CCKBR: variants seen among roughly 807,000 people sequenced by gnomAD.
CCKBR encodes gastrin/cholecystokinin type B receptor.
In CCKBR, 33 loss-of-function variants were observed where a neutral mutation model predicts 34.6. The ratio of observed to expected loss-of-function variants is 0.95; its 90% CI spans 0.72 to 1.27. CCKBR has a LOEUF of 1.27. CCKBR is among the 50% of genes most tolerant of loss of function. The pLI, the probability that CCKBR is intolerant of heterozygous loss-of-function variation, is 0.00. For missense variants in CCKBR, 652 were observed against 617.4 expected (o/e 1.06, Z -0.59); for synonymous variants, 269 against 267.5 (o/e 1.01, Z -0.06).
rs1848267163 is a variant in CCKBR, at chr11:6,269,889, C to T, written c.372C>T (p.Thr124=). The change falls in exon 2 of 5, where the codon ACC becomes ACT. Residue 124 remains threonine, a synonymous_variant. Coordinates refer to ENST00000334619, the MANE Select transcript of CCKBR (RefSeq NM_176875.4). ...PNLMGTFIFG[T]VICKAVSYLM... Reference sequence around the variant, plus strand: ...TCATGGGCACATTCATCTTTGGCACCGTCATCTGCAAGGCGGTTTCCTACC... The same window carrying T: ...TCATGGGCACATTCATCTTTGGCACTGTCATCTGCAAGGCGGTTTCCTACC... The T allele has an allele frequency of 6.2e-7, 1 of 1,613,960 alleles. No individual in the cohort carries two copies. Among genetic ancestry groups the T allele is most frequent in the Non-Finnish European group, 8.5e-7 (1 of 1,180,026 alleles).
intron 1 of CCKBR, 89 bp downstream of exon 1, chr11:6,260,168 C>G: frequency 1.0e-6 from 1 of 971,144 alleles, no homozygotes; most frequent in Non-Finnish European, 1.5e-6. Flanking sequence ...TCCACACTAC[C>G]TTCTCAAACG....
rs779211798 is a variant in CCKBR at position 6,270,734 on chromosome 11, G to A, written c.742G>A (p.Gly248Arg). Residue 248 changes from glycine to arginine, a missense_variant, in exon 4 of 5, where the codon GGG becomes AGG. Physicochemically the swap from Gly to Arg is moderately radical, Grantham distance 125 (BLOSUM62 -2). Transcript: ENST00000334619. The part of the protein sequence containing the change: ...YGLISRELYL[G>R]LRFDGDSDSD... ...GCTTATCTCTCGCGAGCTCTACTTA[G>A]GGCTTCGCTTTGACGGCGACAGTGA... The A allele has an allele frequency of 5.0e-6, 8 of 1,614,214 alleles. No homozygotes were observed. The highest frequency in any genetic ancestry group is 1.3e-5 in the African/African-American group (1 of 75,072).
At chr11:6,264,046 T>C (rs1008420660) in intron 1 of CCKBR, among the ~76,000 whole-genome samples, 10 of 152,266 alleles carry the variant, frequency 6.6e-5, no homozygotes, top group African/African-American at 2.4e-4. Context: ...TAAGCCATAT[T>C]CAATCGGATA....
At chr11:6,261,220 C>T (rs1008922131) in intron 1 of CCKBR, among the ~76,000 whole-genome samples, 9 of 151,810 alleles carry the variant, frequency 5.9e-5, no homozygotes, top group Admixed American at 5.3e-4. Context: ...CGACACAATT[C>T]CTACTTCACA....
At chr11:6,264,841 C>T (rs779140494) in intron 1 of CCKBR, among the ~76,000 whole-genome samples, 5 of 152,072 alleles carry the variant, frequency 3.3e-5, no homozygotes, top group Non-Finnish European at 7.4e-5. Context: ...TACAGAGTGC[C>T]CATACACACA....
At chr11:6,264,398 C>T in intron 1 of CCKBR, 1 of 593,204 alleles carries the variant, frequency 1.7e-6, no homozygotes, top group Non-Finnish European at 3.0e-6. Context: ...TGGAGTTTTT[C>T]CTTAGAAAGT....
rs200777432 is a variant in CCKBR at position 6,271,470 on chromosome 11, A to T, written c.1271A>T (p.Asp424Val). ...CGCCCCAGGGCTCTTCCCGATGAGG[A>T]CCCTCCCACTCCCTCCATTGCTTCG... ...RARPRALPDE[D>V]PPTPSIASLS... The change falls in exon 5 of 5, where the codon GAC becomes GTC. Residue 424 changes from aspartate to valine, a missense_variant. By Grantham distance (152) the Asp-to-Val change is radical. Transcript: ENST00000334619. The T allele has an allele frequency of 2.6e-5, 42 of 1,612,490 alleles. No homozygotes were observed. The highest frequency in any genetic ancestry group is 1.3e-5 in the Non-Finnish European group (15 of 1,179,914).
chr11:6,265,954 G>C (rs1848203314), intron 1 of CCKBR, among the ~76,000 whole-genome samples: 1 of 152,126 alleles, frequency 6.6e-6, no homozygotes, highest in South Asian at 2.1e-4. Flanking sequence ...GTGCACTTCT[G>C]TCTTGAAAGA....
At chr11:6,267,376 G>A (rs1484519892) in intron 1 of CCKBR, among the ~76,000 whole-genome samples, 1 of 150,324 alleles carries the variant, frequency 6.7e-6, no homozygotes, top group Admixed American at 6.6e-5. Context: ...AAACCTTTCT[G>A]TTAAAACCAA....
intron 1 of CCKBR, chr11:6,264,470 C>G: frequency 4.4e-6 from 3 of 680,532 alleles, no homozygotes; most frequent in Non-Finnish European, 8.0e-6. Flanking sequence ...CTGCCATTAT[C>G]TAGACAGAAC....
chr11:6,259,963 G>C lies in CCKBR; in HGVS notation c.35G>C (p.Gly12Ala). Reference sequence around the variant, plus strand: ...CTAAAGCTGAACCGGAGCGTGCAGGGAACCGGACCCGGGCCGGGGGCTTCC... The same window carrying C: ...CTAAAGCTGAACCGGAGCGTGCAGGCAACCGGACCCGGGCCGGGGGCTTCC... ...ELLKLNRSVQ[G>A]TGPGPGASLC... Residue 12 changes from glycine to alanine, a missense_variant, in exon 1 of 5, where the codon GGA becomes GCA. Gly to Ala is a moderately conservative substitution (Grantham distance 60). Coordinates refer to ENST00000334619, the MANE Select transcript of CCKBR (RefSeq NM_176875.4). 1 of 1,543,754 alleles carries C rather than the reference G, an allele frequency of 6.5e-7. No individual in the cohort carries two copies. The highest frequency in any genetic ancestry group is 8.7e-7 in the Non-Finnish European group (1 of 1,149,836).
At chr11:6,262,779 G>C (rs550294208) in intron 1 of CCKBR, among the ~76,000 whole-genome samples, 52 of 151,896 alleles carry the variant, frequency 3.4e-4, no homozygotes, top group Non-Finnish European at 6.3e-4. Flanking sequence ...GGGGGGAGTG[G>C]GTATGTGCAT....
In CCKBR at chr11:6,270,203, C is replaced by T. The variant is rs1054148069; in HGVS notation, c.519C>T (p.Arg173=). Reference sequence around the variant, plus strand: ...GGCAGACGCGCTCCCACGCGGCTCGCGTGATTGTAGCCACGTGGCTGCTGT... The same window carrying T: ...GGCAGACGCGCTCCCACGCGGCTCGTGTGATTGTAGCCACGTGGCTGCTGT... The part of the protein sequence containing the change: ...RVWQTRSHAA[R]VIVATWLLSG... Residue 173 remains arginine, a synonymous_variant, in exon 3 of 5, where the codon CGC becomes CGT. Coordinates refer to ENST00000334619, the MANE Select transcript of CCKBR (RefSeq NM_176875.4). The T allele has an allele frequency of 6.2e-7, 1 of 1,613,516 alleles. No homozygotes were observed. The highest frequency in any genetic ancestry group is 1.3e-5 in the African/African-American group (1 of 75,068).
chr11:6,263,204 C>T (rs1848162126), intron 1 of CCKBR, among the ~76,000 whole-genome samples: 1 of 152,210 alleles, frequency 6.6e-6, no homozygotes, highest in Non-Finnish European at 1.5e-5. Flanking sequence ...ATAGTACCCA[C>T]AGAAAGACAA....
chr11:6,271,666 C>T lies in CCKBR; in HGVS notation c.*123C>T. 3.1e-6 allele frequency: 3 copies of T among 965,988 alleles called. No homozygotes were observed. The South Asian group carries it at 5.1e-5, about 17-fold the overall frequency. 59.8% of individuals were successfully genotyped at this position (965,988 alleles called of 1,614,324 possible). On this transcript the variant is annotated 3_prime_UTR_variant, in exon 5 of 5. Coordinates refer to ENST00000334619, the MANE Select transcript of CCKBR (RefSeq NM_176875.4). Reference sequence around the variant, plus strand: ...CACCCAAAGCATGGACTAACCCCAACGCACAGGAAAAGGTAGCTTACCTGA... The same window carrying T: ...CACCCAAAGCATGGACTAACCCCAATGCACAGGAAAAGGTAGCTTACCTGA...
In CCKBR at chr11:6,271,400, T is replaced by G. The variant is rs993321475; in HGVS notation, c.1201T>G (p.Cys401Gly). 30 of 1,613,924 alleles carry G rather than the reference T, an allele frequency of 1.9e-5. No homozygotes were observed. Among genetic ancestry groups the G allele is most frequent in the Non-Finnish European group, 2.3e-5 (27 of 1,180,046 alleles). ...CATGCACCGTCGCTTTCGCCAGGCC[T>G]GCCTGGAAACTTGCGCTCGCTGCTG... is the stretch of plus-strand genomic sequence containing the variant. ...CFMHRRFRQA[C>G]LETCARCCPR... is the part of the protein sequence containing the mutation. The change falls in exon 5 of 5, where the codon TGC becomes GGC. Residue 401 changes from cysteine (C) to glycine (G), a missense_variant. By Grantham distance (159) the Cys-to-Gly change is radical. Transcript: ENST00000334619.
At position 6,271,119 on chromosome 11, in the gene CCKBR, C is replaced by T. The variant is rs202204639; in HGVS notation, c.920C>T (p.Thr307Met). The T allele has an allele frequency of 9.9e-6, 16 of 1,613,826 alleles. No homozygotes were observed. Among genetic ancestry groups the T allele is most frequent in the Non-Finnish European group, 3.4e-6 (4 of 1,179,954 alleles). Reference sequence around the variant, plus strand: ...CGTTCCCGGCCTGCCCTGGAGCTGACGGCGCTGACGGCTCCTGGGCCGGGA... The same window carrying T: ...CGTTCCCGGCCTGCCCTGGAGCTGATGGCGCTGACGGCTCCTGGGCCGGGA... ...LPRSRPALEL[T>M]ALTAPGPGSG... The change falls in exon 5 of 5, where the codon ACG becomes ATG. Residue 307 changes from threonine to methionine, a missense_variant. Coordinates refer to ENST00000334619, the MANE Select transcript of CCKBR (RefSeq NM_176875.4).
chr11:6,270,021 A>C, intron 2 of CCKBR, 67 bp from the exon 3 acceptor site: 2 of 1,588,464 alleles, frequency 1.3e-6, no homozygotes, highest in Non-Finnish European at 1.7e-6. Flanking sequence ...GGTGTGAGGA[A>C]GTCCCACTGA....
intron 1 of CCKBR, among the ~76,000 whole-genome samples, chr11:6,267,695 T>C (rs138578010): frequency 1.0e-4 from 16 of 152,392 alleles, no homozygotes; most frequent in African/African-American, 3.6e-4. Flanking sequence ...CATCATTGTA[T>C]GTGCTAGGCT....
Sources: allele counts gnomAD v4.1 joint callset (sites outside exome capture counted in the v4.1 genomes callset), GRCh38; gene constraint gnomAD v4.1.1; transcripts MANE v1.5; gene names NCBI Gene and HGNC (gene_info 2026-07-23, HGNC 2026-07-21).